Variants in NUDCD3 observed in about 807,000 individuals in gnomAD.
NUDCD3 encodes the protein NudC domain containing 3.
In NUDCD3, 13 loss-of-function variants were observed where a neutral mutation model predicts 39.7. The ratio of observed to expected loss-of-function variants is 0.33; its 90% CI spans 0.21 to 0.52. NUDCD3 has a LOEUF of 0.52. Among genes scored for constraint, NUDCD3 ranks in the 20% least tolerant of loss-of-function variants. The pLI is 0.96. For missense variants in NUDCD3, 453 were observed against 458.1 expected, an observed-to-expected ratio of 0.99 and a Z score of 0.10; for synonymous variants, 175 against 172.4, an observed-to-expected ratio of 1.02 and a Z score of -0.12.
intron 3 of NUDCD3, among the ~76,000 whole-genome samples, chr7:44,417,639 C>T (rs970053562): frequency 1.1e-4 from 16 of 152,142 alleles, no homozygotes; most frequent in African/African-American, 3.9e-4. Flanking sequence ...ACTACATACA[C>T]GGCAATACTA....
Position 44,468,515 on chromosome 7 carries a change from G to A in NUDCD3, c.509+16453C>T, listed in dbSNP as rs1229361674. On this transcript the variant is annotated intron_variant, in intron 2 of 5. Coordinates refer to ENST00000355451, the MANE Select transcript of NUDCD3 (RefSeq NM_015332.4). ...ATTCCATAACATAATTTTTTTAAAA[G>A]GGGGAAAAAGACTAGAATCAGGAAG... Among the ~76,000 whole-genome samples the A allele has an allele frequency of 3.3e-5, 5 of 152,028 alleles. No individual in the cohort carries two copies. The East Asian group carries it at 5.8e-4, about 18-fold the overall frequency.
Position 44,414,047 on chromosome 7 carries a change from GA to G in NUDCD3, c.643-9465del, listed in dbSNP as rs559947381. Among the ~76,000 whole-genome samples, 36 of 150,590 alleles carry G rather than the reference GA, an allele frequency of 2.4e-4. 1 individual carries two copies. Among genetic ancestry groups the G allele is most frequent in the African/African-American group, 7.1e-4 (29 of 41,090 alleles). ...AAAACCCTGTCTCAAAAAAAAAAAAGAAAAAAGAAAGAAATTAGAAATACAT... is the reference window on the plus strand; with the variant it reads ...AAAACCCTGTCTCAAAAAAAAAAAAGAAAAAGAAAGAAATTAGAAATACAT... On this transcript the variant is annotated intron_variant, in intron 3 of 5. Transcript: ENST00000355451.
chr7:44,426,082 C>T, intron 3 of NUDCD3: 3 of 978,612 alleles, frequency 3.1e-6, no homozygotes, highest in Non-Finnish European at 3.6e-6. Context: ...CCGTCCACTT[C>T]ATCGCTGTGA....
At chr7:44,416,373 G>A (rs2116888110) in intron 3 of NUDCD3, among the ~76,000 whole-genome samples, 2 of 152,188 alleles carry the variant, frequency 1.3e-5, no homozygotes, top group South Asian at 4.2e-4. Context: ...ACAGGCTTGA[G>A]CCACCATGCC....
chr7:44,481,119 T>C (rs932958847), intron 2 of NUDCD3, among the ~76,000 whole-genome samples: 1 of 152,144 alleles, frequency 6.6e-6, no homozygotes, highest in Non-Finnish European at 1.5e-5. Context: ...TAGACATAAT[T>C]TAAAGTCTAT....
rs888320964 is a variant in NUDCD3, at chr7:44,427,585, C to T, written c.628G>A (p.Val210Met). The change falls in exon 3 of 6, where the codon GTG (valine) becomes ATG (methionine). Residue 210 changes from valine to methionine, a missense_variant. Coordinates refer to ENST00000355451, the MANE Select transcript of NUDCD3 (RefSeq NM_015332.4). ...EVRVPVPKHV[V>M]KGKQVSVALS... ...AAGGCCATTACCTGCTTTCCCTTCA[C>T]CACGTGCTTGGGTACTGGCACCCTG... 1.2e-6 allele frequency: 2 copies of T among 1,612,988 alleles called. No homozygotes were observed. The highest frequency in any genetic ancestry group is 1.1e-5 in the South Asian group (1 of 90,902).
intron 2 of NUDCD3, among the ~76,000 whole-genome samples, chr7:44,458,818 C>T (rs1799949521): frequency 6.6e-6 from 1 of 152,064 alleles, no homozygotes; most frequent in Non-Finnish European, 1.5e-5. Context: ...TATGGTGTGC[C>T]ATGTGCACTT....
chr7:44,443,835 G>T (rs1416896045), intron 2 of NUDCD3, among the ~76,000 whole-genome samples: 1 of 152,158 alleles, frequency 6.6e-6, no homozygotes, highest in African/African-American at 2.4e-5. Flanking sequence ...CTCAGCTCAA[G>T]CCCCATCTTC....
intron 2 of NUDCD3, among the ~76,000 whole-genome samples, chr7:44,443,464 G>A (rs558568362): frequency 6.6e-6 from 1 of 151,804 alleles, no homozygotes; most frequent in South Asian, 2.1e-4. Flanking sequence ...AGGCTGGAGT[G>A]CAGTGGCGCC....
At chr7:44,396,111 G>A (rs1798620024) in intron 4 of NUDCD3, among the ~76,000 whole-genome samples, 2 of 151,728 alleles carry the variant, frequency 1.3e-5, no homozygotes, top group African/African-American at 4.8e-5. Flanking sequence ...GTGTGTGTGT[G>A]TGTGTGTGTG....
At chr7:44,483,986 C>T (rs757303932) in intron 2 of NUDCD3, among the ~76,000 whole-genome samples, 1 of 152,064 alleles carries the variant, frequency 6.6e-6, no homozygotes, top group African/African-American at 2.4e-5. Context: ...TCCAGCCTGG[C>T]CAACAGAGTA....
rs1798389306 is a variant in NUDCD3 at position 44,385,673 on chromosome 7, G to A, written c.*338C>T. ...CAGAATAGCGTCAAAACAACAGCAA[G>A]CAGAGAGCAGGGGAGGAAAGACATG... On this transcript the variant is annotated 3_prime_UTR_variant, in exon 6 of 6. Transcript: ENST00000355451. 1 of 296,954 alleles carries A rather than the reference G, an allele frequency of 3.4e-6. No homozygotes were observed. The highest frequency in any genetic ancestry group is 6.3e-6 in the Non-Finnish European group (1 of 159,200). The allele number at this position is 296,954 out of a possible 1,614,324, so 18.4% of individuals were successfully genotyped here.
chr7:44,379,661 TAAG>T lies in NUDCD3; in HGVS notation c.*6347_*6349del, dbSNP rs1203679700. 1 of 152,306 alleles carries T rather than the reference TAAG, an allele frequency of 6.6e-6. No homozygotes were observed. The highest frequency in any genetic ancestry group is 1.5e-5 in the Non-Finnish European group (1 of 68,124). The allele number at this position is 152,306 out of a possible 1,614,324, so 9.4% of individuals were successfully genotyped here. ...TAAGTTTCTGGGGATAGCAAAAGCT[TAAG>T]AAGTGACTCTTGCCATCACATGGCT... is the stretch of plus-strand genomic sequence containing the variant. On this transcript the variant is annotated 3_prime_UTR_variant, in exon 6 of 6. Transcript: ENST00000355451.
intron 3 of NUDCD3, among the ~76,000 whole-genome samples, chr7:44,411,916 G>T (rs574353085): frequency 6.6e-6 from 1 of 152,182 alleles, no homozygotes; most frequent in Non-Finnish European, 1.5e-5. Context: ...ATACAGAGAC[G>T]CCTCTTTCTA....
chr7:44,463,618 C>T (rs1170272823), intron 2 of NUDCD3, among the ~76,000 whole-genome samples: 2 of 152,084 alleles, frequency 1.3e-5, no homozygotes. Flanking sequence ...TCAACAGCCT[C>T]CAAGTGGTGT....
At chr7:44,414,429 A>G (rs1296484517) in intron 3 of NUDCD3, among the ~76,000 whole-genome samples, 1 of 152,214 alleles carries the variant, frequency 6.6e-6, no homozygotes, top group Non-Finnish European at 1.5e-5. Context: ...GACACTGGGC[A>G]GGGGCAGTAA....
At chr7:44,489,656 A>G (rs1800690920) in intron 1 of NUDCD3, among the ~76,000 whole-genome samples, 1 of 152,176 alleles carries the variant, frequency 6.6e-6, no homozygotes, top group African/African-American at 2.4e-5. Context: ...TCCTTTCTTT[A>G]CAATGGGCTC....
At chr7:44,489,605 C>T (rs1446272671) in intron 1 of NUDCD3, among the ~76,000 whole-genome samples, 2 of 152,274 alleles carry the variant, frequency 1.3e-5, no homozygotes, top group East Asian at 3.9e-4. Flanking sequence ...GAAGTCCCAC[C>T]TCTCTTATAA....
intron 2 of NUDCD3, among the ~76,000 whole-genome samples, chr7:44,469,984 AAGGAT>A (rs1291620068): frequency 1.3e-5 from 2 of 152,214 alleles, no homozygotes; most frequent in East Asian, 3.8e-4. Flanking sequence ...ACCCTGAGCC[AAGGAT>A]AAAGGACATG....
Sources: gnomAD v4.1 joint callset for allele counts (sites outside exome capture counted in the v4.1 genomes callset) on GRCh38, gnomAD v4.1.1 for gene constraint, MANE v1.5 for transcripts, NCBI Gene and HGNC (gene_info 2026-07-23, HGNC 2026-07-21) for gene names.